The following DOCK4 variants were observed in gnomAD, a reference collection of about 807,000 sequenced individuals.
DOCK4 encodes dedicator of cytokinesis 4.
DOCK4 carries 97 observed loss-of-function variants against 268.1 expected under a neutral mutation model. The ratio of observed to expected loss-of-function variants is 0.36; its 90% CI spans 0.31 to 0.43. DOCK4 has a LOEUF of 0.43. Among genes scored for constraint, DOCK4 ranks in the 20% least tolerant of loss-of-function variants. The pLI is 1.00. For missense variants in DOCK4, 2,145 were observed against 2,455.7 expected, an observed-to-expected ratio of 0.87 and a Z score of 2.67; for synonymous variants, 954 against 887.2, an observed-to-expected ratio of 1.08 and a Z score of -1.34.
chr7:111,943,606 T>C (rs572633821), intron 10 of DOCK4, among the ~76,000 whole-genome samples: 3 of 152,362 alleles, frequency 2.0e-5, no homozygotes, highest in Non-Finnish European at 4.4e-5. Flanking sequence ...ACAGGCTTTA[T>C]CTCATAAGAA....
intron 17 of DOCK4, among the ~76,000 whole-genome samples, chr7:111,876,679 T>A (rs2134261727): frequency 6.6e-6 from 1 of 151,564 alleles, no homozygotes; most frequent in Non-Finnish European, 1.5e-5. Context: ...AAACAGCCTT[T>A]ATTCTAAAGC....
chr7:111,995,190 C>A (rs1003908778), intron 4 of DOCK4, among the ~76,000 whole-genome samples: 1 of 151,882 alleles, frequency 6.6e-6, no homozygotes, highest in African/African-American at 2.4e-5. Context: ...TGCAACCACG[C>A]CCGGCTAATT....
rs776184219 is a variant in DOCK4, at chr7:111,940,261, A to G, written c.845-19T>C. 3.1e-6 allele frequency: 5 copies of G among 1,613,854 alleles called. No homozygotes were observed. The African/African-American group carries it at 4.0e-5, about 13-fold the overall frequency. ...ATTCGACCTGTTCAATTAAAGAGCA[A>G]TCATTAACCCATGGAGCCATTTGAT... On this transcript the variant is annotated intron_variant, in intron 10 of 52. Transcript: ENST00000428084.
intron 1 of DOCK4, among the ~76,000 whole-genome samples, chr7:112,060,136 AG>A (rs921761931): frequency 6.6e-6 from 1 of 152,192 alleles, no homozygotes; most frequent in Non-Finnish European, 1.5e-5. Flanking sequence ...AGCACCTTGA[AG>A]AGAAAAAGAA....
chr7:111,903,287 G>A (rs1779701299), intron 13 of DOCK4, among the ~76,000 whole-genome samples: 1 of 152,086 alleles, frequency 6.6e-6, no homozygotes, highest in Non-Finnish European at 1.5e-5. Flanking sequence ...AACTGGGTAA[G>A]TTCTAAAAAG....
In DOCK4 at chr7:111,849,387, C is replaced by T. The variant is rs149938277; in HGVS notation, c.2474-2261G>A. Among the ~76,000 whole-genome samples the T allele has an allele frequency of 2.1e-3, 320 of 151,954 alleles. 4 individuals are homozygous for T. The highest frequency in any genetic ancestry group is 7.4e-3 in the African/African-American group (305 of 41,402). Reference sequence around the variant, plus strand: ...AAGTGTTTCTCCTGCCTCAACCTCCCCAGTAGCTGGGACTACATGCACGTG... The same window carrying T: ...AAGTGTTTCTCCTGCCTCAACCTCCTCAGTAGCTGGGACTACATGCACGTG... On this transcript the variant is annotated intron_variant, in intron 23 of 52. Coordinates refer to ENST00000428084, the MANE Select transcript of DOCK4 (RefSeq NM_001363540.2).
chr7:112,073,159 T>G (rs1169249577), intron 1 of DOCK4, among the ~76,000 whole-genome samples: 1 of 152,112 alleles, frequency 6.6e-6, no homozygotes, highest in Non-Finnish European at 1.5e-5. Flanking sequence ...CTTCCACTCA[T>G]GTCCTAAAAC....
chr7:111,739,192 A>C lies in DOCK4; in HGVS notation c.5174T>G (p.Leu1725Arg). 6.2e-7 allele frequency: 1 copy of C among 1,614,048 alleles called. No homozygotes were observed. The highest frequency in any genetic ancestry group is 8.5e-7 in the Non-Finnish European group (1 of 1,179,894). Reference protein sequence around the residue: ...KHKHSRENSCLSPRERPCSAI... With the variant: ...KHKHSRENSCRSPRERPCSAI... ...ACTGCATGGTCTCTCTCTTGGTGAC[A>C]GGCAAGAGTTTTCTCGGGAATGTTT... The change falls in exon 49 of 53, where the codon CTG becomes CGG. Residue 1725 changes from leucine (L) to arginine (R), a missense_variant. Physicochemically the swap from Leu to Arg is moderately radical, Grantham distance 102. Transcript: ENST00000428084.
intron 22 of DOCK4, among the ~76,000 whole-genome samples, chr7:111,864,012 GA>G (rs1363367111): frequency 3.9e-5 from 6 of 152,100 alleles, no homozygotes; most frequent in Admixed American, 2.0e-4. Context: ...TCTGATTTAA[GA>G]AAAAACACAG....
At chr7:111,793,636 T>C (rs1333792828) in intron 30 of DOCK4, among the ~76,000 whole-genome samples, 1 of 152,218 alleles carries the variant, frequency 6.6e-6, no homozygotes, top group African/African-American at 2.4e-5. Context: ...TAGTGTATTT[T>C]AAACACTGTA....
chr7:111,944,699 G>A, intron 10 of DOCK4, 112 bp downstream of exon 10: 1 of 1,050,508 alleles, frequency 9.5e-7, no homozygotes, highest in Non-Finnish European at 1.4e-6. Flanking sequence ...TTCAAATCTG[G>A]CTTTGATATC....
chr7:111,864,491 T>G (rs922435610), intron 22 of DOCK4, among the ~76,000 whole-genome samples: 4 of 152,204 alleles, frequency 2.6e-5, no homozygotes, highest in Non-Finnish European at 5.9e-5. Context: ...ACCAATGAGA[T>G]CTGACTCCAT....
intron 27 of DOCK4, among the ~76,000 whole-genome samples, chr7:111,812,252 C>T (rs1393457498): frequency 6.6e-6 from 1 of 152,104 alleles, no homozygotes; most frequent in African/African-American, 2.4e-5. Flanking sequence ...CCAAACAAAG[C>T]AAAATGATTT....
rs1554402961 is a variant in DOCK4 at position 111,983,862 on chromosome 7, G to GCACACACACACACACACACA, written c.549+424_549+443dup. 2.6e-3 allele frequency among the ~76,000 whole-genome samples: 367 copies of GCACACACACACACACACACA among 138,602 alleles called. 4 individuals carry two copies. The highest frequency in any genetic ancestry group is 0.011 in the Middle Eastern group (3 of 276). 90.9% of individuals were successfully genotyped at this position (138,602 alleles called of 152,430 possible). On this transcript the variant is annotated intron_variant, in intron 7 of 52. Coordinates refer to ENST00000428084, the MANE Select transcript of DOCK4 (RefSeq NM_001363540.2). ...CACACACACGCGCGCGCGCGCGCGC[G>GCACACACACACACACACACA]CACACACACACACACACACACACAC... is the stretch of plus-strand genomic sequence containing the variant.
intron 27 of DOCK4, among the ~76,000 whole-genome samples, chr7:111,813,309 T>G (rs1222628748): frequency 6.6e-6 from 1 of 152,164 alleles, no homozygotes; most frequent in Non-Finnish European, 1.5e-5. Context: ...ACTTCAAACT[T>G]TGGTTATCTT....
intron 1 of DOCK4, among the ~76,000 whole-genome samples, chr7:112,068,663 CT>C (rs1311950723): frequency 6.6e-6 from 1 of 152,206 alleles, no homozygotes; most frequent in Non-Finnish European, 1.5e-5. Flanking sequence ...AAAATATCTT[CT>C]CTGATATTCC....
intron 12 of DOCK4, among the ~76,000 whole-genome samples, chr7:111,922,868 A>T (rs1047423747): frequency 2.6e-5 from 4 of 152,204 alleles, no homozygotes; most frequent in Non-Finnish European, 5.9e-5. Context: ...GGTGTGAGCC[A>T]CCACACCCAG....
At chr7:111,985,556 T>C (rs1586575289) in intron 6 of DOCK4, among the ~76,000 whole-genome samples, 1 of 152,170 alleles carries the variant, frequency 6.6e-6, no homozygotes, top group Non-Finnish European at 1.5e-5. Flanking sequence ...ATTCAGCACC[T>C]ACTTCAAGCC....
rs762289834 is a variant in DOCK4, at chr7:111,728,697, G to A, written c.5505C>T (p.Pro1835=). The A allele has an allele frequency of 2.4e-5, 39 of 1,612,948 alleles. No homozygotes were observed. Among genetic ancestry groups the A allele is most frequent in the Middle Eastern group, 1.6e-4 (1 of 6,082 alleles). ...PLKGSVQSFT[P]SPVEYHSPGL... ...CTGGCGAGTGGTACTCCACTGGAGA[G>A]GGGGTGAAAGACTGCACAGAGCCCT... Residue 1835 remains proline (P), a synonymous_variant, in exon 53 of 53, where the codon CCC becomes CCT. Coordinates refer to ENST00000428084, the MANE Select transcript of DOCK4 (RefSeq NM_001363540.2).
Sources: allele counts gnomAD v4.1 joint callset (sites outside exome capture counted in the v4.1 genomes callset), GRCh38; gene constraint gnomAD v4.1.1; transcripts MANE v1.5; gene names NCBI Gene and HGNC (gene_info 2026-07-23, HGNC 2026-07-21).